ADGRE5: variants seen among roughly 807,000 people sequenced by gnomAD.
The protein encoded by ADGRE5 is adhesion G protein-coupled receptor E5, also known as CD97 molecule.
In ADGRE5, 72 loss-of-function variants were observed where a neutral mutation model predicts 100.3. That is an observed-to-expected ratio of 0.72 (90% CI 0.59 to 0.87). ADGRE5 has a LOEUF of 0.87. ADGRE5 is among the 40% of genes least tolerant of loss of function. The probability of loss-of-function intolerance (pLI) is 0.00; values close to 1 mark genes in which losing one functional copy is unlikely to be tolerated. For missense variants in ADGRE5, 959 were observed against 1,094.7 expected, an observed-to-expected ratio of 0.88 and a Z score of 1.75; for synonymous variants, 439 against 447.8, an observed-to-expected ratio of 0.98 and a Z score of 0.25.
chr19:14,392,967 C>T (rs968030601), intron 4 of ADGRE5, among the ~76,000 whole-genome samples: 8 of 150,916 alleles, frequency 5.3e-5, no homozygotes, highest in Non-Finnish European at 8.8e-5. Context: ...TTTGGGAGGC[C>T]GAGGCGGGTG....
At chr19:14,396,947 C>G (rs1975802370) in intron 5 of ADGRE5, 130 bp from the exon 6 acceptor site, 2 of 1,177,532 alleles carry the variant, frequency 1.7e-6, no homozygotes, top group Middle Eastern at 3.0e-4. Flanking sequence ...TTGAAGGTCA[C>G]CAAGTGGCGG....
intron 4 of ADGRE5, among the ~76,000 whole-genome samples, chr19:14,393,383 T>C (rs769968386): frequency 6.6e-6 from 1 of 152,182 alleles, no homozygotes; most frequent in Non-Finnish European, 1.5e-5. Flanking sequence ...GCCTTTGCTA[T>C]GGTCTTGCTT....
At chr19:14,405,343 A>T (rs187159873) in intron 13 of ADGRE5, 1 of 166,812 alleles carries the variant, frequency 6.0e-6, no homozygotes, top group Non-Finnish European at 1.3e-5. Context: ...GGGTTTCACT[A>T]TGTTGGGCAG....
Position 14,401,480 on chromosome 19 carries a change from T to C in ADGRE5, c.992T>C (p.Leu331Pro). The change falls in exon 10 of 20, where the codon CTC becomes CCC. Residue 331 changes from leucine (L) to proline (P), a missense_variant. Leu to Pro is a moderately conservative substitution (Grantham distance 98, BLOSUM62 -3). This residue lies in a region of ADGRE5 where 246 missense variants were observed against 242.2 expected (regional missense o/e 1.02). Transcript: ENST00000242786. This position sits in a 1 kb window ranked among gnomAD's most constrained non-coding sequence, Gnocchi z 4.1. ...CGGCACCTCATAGCCACCCAGCTGC[T>C]CTCAAACCTTGAAGATATCATGAGG... Reference protein sequence around the residue: ...PVRHLIATQLLSNLEDIMRIL... With the variant: ...PVRHLIATQLPSNLEDIMRIL... The C allele has an allele frequency of 1.2e-6, 2 of 1,614,140 alleles. No individual in the cohort carries two copies. The highest frequency in any genetic ancestry group is 1.7e-6 in the Non-Finnish European group (2 of 1,180,006).
intron 4 of ADGRE5, among the ~76,000 whole-genome samples, chr19:14,394,911 C>G (rs1037194976): frequency 6.6e-6 from 1 of 152,148 alleles, no homozygotes; most frequent in African/African-American, 2.4e-5. Flanking sequence ...CACCCTAACC[C>G]ACCCTGGTAA....
rs115061086 is a variant in ADGRE5, at chr19:14,381,485, T to A, written c.-39T>A. ...TGGAGACGGGACAGCCCTGTCCCAC[T>A]CACTCTTTCCCCTGCCGCTCCTGCC... On this transcript the variant is annotated 5_prime_UTR_variant, in exon 1 of 20. Coordinates refer to ENST00000242786, the MANE Select transcript of ADGRE5 (RefSeq NM_078481.4). 1.9e-6 allele frequency: 3 copies of A among 1,609,754 alleles called. No individual in the cohort carries two copies. Among genetic ancestry groups the A allele is most frequent in the South Asian group, 2.2e-5 (2 of 90,940 alleles).
At chr19:14,394,846 C>T (rs556567308) in intron 4 of ADGRE5, among the ~76,000 whole-genome samples, 1 of 152,292 alleles carries the variant, frequency 6.6e-6, no homozygotes, top group Admixed American at 6.5e-5. Flanking sequence ...GAGAAGATGC[C>T]TCCCGACCAC....
intron 4 of ADGRE5, among the ~76,000 whole-genome samples, chr19:14,395,852 C>T (rs3786656): frequency 0.26 from 39,332 of 152,164 alleles, 5,548 homozygotes; most frequent in Non-Finnish European, 0.32. Flanking sequence ...GGTCTTGGTC[C>T]ATGCCCATGA....
At chr19:14,385,501 C>A (rs1461247129) in intron 1 of ADGRE5, among the ~76,000 whole-genome samples, 1 of 152,180 alleles carries the variant, frequency 6.6e-6, no homozygotes, top group Non-Finnish European at 1.5e-5. Flanking sequence ...ATCTCTGAAT[C>A]CCCTGGTGAC....
At chr19:14,403,228 G>T (rs1976087398) in intron 12 of ADGRE5, among the ~76,000 whole-genome samples, 1 of 151,952 alleles carries the variant, frequency 6.6e-6, no homozygotes, top group South Asian at 2.1e-4. Flanking sequence ...TTTTAGTAGA[G>T]ACGGGGTTTC....
intron 9 of ADGRE5, 101 bp downstream of exon 9, chr19:14,398,240 G>A: frequency 9.8e-7 from 1 of 1,019,474 alleles, no homozygotes; most frequent in Non-Finnish European, 1.5e-6. Context: ...GGGGCCTCTA[G>A]TCAGAGACAC....
chr19:14,402,599 C>T lies in ADGRE5; in HGVS notation c.1186C>T (p.Pro396Ser). The part of the protein sequence containing the change: ...AVAAGAEDPG[P>S]AVAGILSIQN... ...CAGCGAGTGTGTCTGTTCCCCAGGC[C>T]CCGCCGTGGCGGGCATCCTCTCCAT... Residue 396 changes from proline to serine, a missense_variant and splice_region_variant, in exon 12 of 20, where the codon CCC becomes TCC. Physicochemically the swap from Pro to Ser is moderately conservative, Grantham distance 74. This residue lies in a region of ADGRE5 where 246 missense variants were observed against 242.2 expected (regional missense o/e 1.02). Transcript: ENST00000242786. 2.5e-6 allele frequency: 4 copies of T among 1,613,952 alleles called. No homozygotes were observed. The highest frequency in any genetic ancestry group is 3.4e-6 in the Non-Finnish European group (4 of 1,179,958).
chr19:14,407,823 A>T, intron 18 of ADGRE5, 85 bp from the exon 19 acceptor site: 1 of 1,133,910 alleles, frequency 8.8e-7, no homozygotes, highest in Middle Eastern at 2.1e-4. Flanking sequence ...AACACCAAGA[A>T]GGTGGGGCTG....
chr19:14,389,742 A>C lies in ADGRE5; in HGVS notation c.190+924A>C, dbSNP rs529769014. Among the ~76,000 whole-genome samples the C allele has an allele frequency of 9.3e-5, 14 of 150,480 alleles. No homozygotes were observed. In the South Asian group the frequency reaches 3.0e-3, roughly 32 times the overall value. On this transcript the variant is annotated intron_variant, in intron 3 of 19. Transcript: ENST00000242786. ...CCAGAGCAAGACTTTGTCTCAAAAA[A>C]AAAAAAGAGAGAGACAGAGAAGGAG... is the stretch of plus-strand genomic sequence containing the variant.
Position 14,406,493 on chromosome 19 carries a change from G to A in ADGRE5, c.1984G>A (p.Val662Met). 6.4e-7 allele frequency: 1 copy of A among 1,565,566 alleles called. No homozygotes were observed. Among genetic ancestry groups the A allele is most frequent in the Non-Finnish European group, 8.7e-7 (1 of 1,155,354 alleles). The change falls in exon 15 of 20, where the codon GTG becomes ATG. Residue 662 changes from valine (V) to methionine (M), a missense_variant. By Grantham distance (21) the Val-to-Met change is conservative (BLOSUM62 1). Transcript: ENST00000242786. This position sits in a 1 kb window ranked among gnomAD's most constrained non-coding sequence, Gnocchi z 6.0. Reference sequence around the variant, plus strand: ...CTGGCTCTGCCTGATCGGCTATGGCGTGCCCCTGCTCATCGTGGGCGTCTC... The same window carrying A: ...CTGGCTCTGCCTGATCGGCTATGGCATGCCCCTGCTCATCGTGGGCGTCTC... The part of the protein sequence containing the change: ...TRWLCLIGYG[V>M]PLLIVGVSAA...
chr19:14,384,166 A>C (rs140316565), intron 1 of ADGRE5, among the ~76,000 whole-genome samples: 1,686 of 152,162 alleles, frequency 0.011, 36 homozygotes, highest in African/African-American at 0.039. Context: ...GAAGAGGGGA[A>C]TCCTGACAGA....
intron 18 of ADGRE5, 138 bp downstream of exon 18, chr19:14,407,367 C>T: frequency 1.0e-6 from 1 of 999,962 alleles, no homozygotes; most frequent in East Asian, 2.5e-5. Context: ...CAAAAAAATT[C>T]AAAGATAGCC....
intron 9 of ADGRE5, among the ~76,000 whole-genome samples, chr19:14,398,903 A>G (rs747445761): frequency 1.3e-4 from 19 of 151,232 alleles, no homozygotes; most frequent in Non-Finnish European, 2.2e-4. Context: ...GGGCTGTGAC[A>G]TGATCATGGC....
At chr19:14,402,939 C>G (rs1976074845) in intron 12 of ADGRE5, 77 bp downstream of exon 12, 2 of 1,443,570 alleles carry the variant, frequency 1.4e-6, no homozygotes, top group African/African-American at 1.4e-5. Context: ...CTGGGATGCT[C>G]TTTCCCGACG....
Sources: gnomAD v4.1 joint callset for allele counts (sites outside exome capture counted in the v4.1 genomes callset) on GRCh38, gnomAD v4.1.1 for gene constraint, gnomAD v4.1.1 regional missense constraint, Gnocchi (gnomAD v3.1) non-coding constraint, MANE v1.5 for transcripts, NCBI Gene and HGNC (gene_info 2026-07-23, HGNC 2026-07-21) for gene names.